IGSF21: variants seen among roughly 807,000 people sequenced by gnomAD.
IGSF21 encodes the protein immunoglobin superfamily member 21.
In IGSF21, 28 loss-of-function variants were observed where a neutral mutation model predicts 46.8. The ratio of observed to expected loss-of-function variants is 0.60; its 90% CI spans 0.44 to 0.82. The LOEUF (loss-of-function observed/expected upper bound fraction) is 0.82. Ranked by LOEUF, IGSF21 falls within the 40% of genes least tolerant of loss-of-function variation. IGSF21 has a pLI of 0.00. For synonymous variants in IGSF21, 284 were observed against 273.6 expected (o/e 1.04, Z -0.38); for missense variants, 624 against 665.5 (o/e 0.94, Z 0.69).
chr1:18,335,052 G>A lies in IGSF21; in HGVS notation c.424+42G>A, dbSNP rs2085752874. ...TGGCCCCTGGTGTCTCAGTGAGGAG[G>A]ACGAGTATGCTTGAGTGTGTGAATG... On this transcript the variant is annotated intron_variant, in intron 4 of 9. Transcript: ENST00000251296. This position sits in a 1 kb window ranked among gnomAD's most constrained non-coding sequence, Gnocchi z 4.8. 2 of 1,468,934 alleles carry A rather than the reference G, an allele frequency of 1.4e-6. No individual in the cohort carries two copies. Among genetic ancestry groups the A allele is most frequent in the Admixed American group, 1.7e-5 (1 of 59,760 alleles). 91.0% of individuals were successfully genotyped at this position (1,468,934 alleles called of 1,614,324 possible).
At chr1:18,361,115 A>C (rs11260988) in intron 4 of IGSF21, among the ~76,000 whole-genome samples, 47,405 of 152,052 alleles carry the variant, frequency 0.31, 7,701 homozygotes, top group East Asian at 0.42. Flanking sequence ...CCTGGCCACA[A>C]ATAGCTGTCC....
chr1:18,373,362 G>A (rs1369348853), intron 6 of IGSF21, among the ~76,000 whole-genome samples: 1 of 152,156 alleles, frequency 6.6e-6, no homozygotes, highest in Admixed American at 6.5e-5. Flanking sequence ...AAGCAGGCAA[G>A]GGGGTGTAGG....
Position 18,334,950 on chromosome 1 carries a change from G to A in IGSF21, c.364G>A (p.Asp122Asn), listed in dbSNP as rs2085751497. The A allele has an allele frequency of 5.0e-6, 8 of 1,614,050 alleles. No homozygotes were observed. Among genetic ancestry groups the A allele is most frequent in the African/African-American group, 1.3e-5 (1 of 74,940 alleles). ...GPYECHVGIYDRATREKVVLA... is the reference protein window; with the variant it reads ...GPYECHVGIYNRATREKVVLA... ...CTATGAGTGCCATGTGGGCATCTAC[G>A]ACCGCGCCACCAGGGAGAAGGTGGT... is the stretch of plus-strand genomic sequence containing the variant. Residue 122 changes from aspartate to asparagine, a missense_variant, in exon 4 of 10, where the codon GAC becomes AAC. Coordinates refer to ENST00000251296, the MANE Select transcript of IGSF21 (RefSeq NM_032880.5). This position sits in a 1 kb window ranked among gnomAD's most constrained non-coding sequence, Gnocchi z 4.3.
chr1:18,353,449 C>T (rs1028884415), intron 4 of IGSF21, among the ~76,000 whole-genome samples: 6 of 152,052 alleles, frequency 3.9e-5, no homozygotes, highest in South Asian at 2.1e-4. Flanking sequence ...CTCTTGGGTG[C>T]GGCCGCAGGT....
chr1:18,360,069 A>C (rs1486275456), intron 4 of IGSF21, among the ~76,000 whole-genome samples: 1 of 152,212 alleles, frequency 6.6e-6, no homozygotes, highest in African/African-American at 2.4e-5. Context: ...GTGAAGACAG[A>C]AAGAATGCAC....
chr1:18,270,690 C>T (rs1015980807), intron 2 of IGSF21, among the ~76,000 whole-genome samples: 8 of 152,184 alleles, frequency 5.3e-5, no homozygotes, highest in Non-Finnish European at 8.8e-5. Flanking sequence ...AGCCGGGCTC[C>T]GTGACAATGG....
intron 1 of IGSF21, among the ~76,000 whole-genome samples, chr1:18,215,123 C>A (rs950160464): frequency 4.6e-5 from 7 of 152,236 alleles, no homozygotes; most frequent in African/African-American, 1.7e-4. Flanking sequence ...CCCCGTGATC[C>A]AGTCACCTCC....
intron 1 of IGSF21, among the ~76,000 whole-genome samples, chr1:18,173,296 AAAC>A (rs1451197161): frequency 1.3e-5 from 2 of 152,228 alleles, no homozygotes; most frequent in Admixed American, 1.3e-4. Flanking sequence ...CAAAAACACA[AAAC>A]AACAACGACA....
At chr1:18,341,383 C>G (rs1015628603) in intron 4 of IGSF21, among the ~76,000 whole-genome samples, 1 of 152,104 alleles carries the variant, frequency 6.6e-6, no homozygotes, top group Non-Finnish European at 1.5e-5. Context: ...TACATTTATA[C>G]GGACTGTGGG....
At chr1:18,256,773 C>G (rs1008486404) in intron 2 of IGSF21, among the ~76,000 whole-genome samples, 1 of 152,188 alleles carries the variant, frequency 6.6e-6, no homozygotes, top group South Asian at 2.1e-4. Flanking sequence ...GGGGAGGAGA[C>G]ATCCCAGCCG....
rs1431600804 is a variant in IGSF21 at position 18,273,334 on chromosome 1, CCTTTCCTTTCCTTTCCTTTCCTTTCCTTT to C, written c.184-18530_184-18502del. Among the ~76,000 whole-genome samples the C allele has an allele frequency of 8.2e-3, 619 of 75,862 alleles. 26 individuals carry two copies. The highest frequency in any genetic ancestry group is 0.028 in the African/African-American group (525 of 18,436). The allele number at this position is 75,862 out of a possible 152,430, so 49.8% of individuals were successfully genotyped here. ...GGGATTACAGGCATGAGCCACCATTCCTTTCCTTTCCTTTCCTTTCCTTTCCTTTCCTTTCCTTTCCTTTCCTTTCCTTT... is the reference window on the plus strand; with the variant it reads ...GGGATTACAGGCATGAGCCACCATTCCCTTTCCTTTCCTTTCCTTTCCTTT... On this transcript the variant is annotated intron_variant, in intron 2 of 9. Coordinates refer to ENST00000251296, the MANE Select transcript of IGSF21 (RefSeq NM_032880.5).
intron 2 of IGSF21, among the ~76,000 whole-genome samples, chr1:18,252,932 A>G (rs2084856563): frequency 6.6e-6 from 1 of 152,194 alleles, no homozygotes; most frequent in Non-Finnish European, 1.5e-5. Context: ...AGTGTAGGTA[A>G]CAAACCTTTA....
intron 1 of IGSF21, among the ~76,000 whole-genome samples, chr1:18,146,814 T>C (rs75578709): frequency 0.014 from 2,191 of 152,228 alleles, 57 homozygotes; most frequent in African/African-American, 0.05. Context: ...TCTTAATTGA[T>C]CCTCATAGCA....
intron 1 of IGSF21, among the ~76,000 whole-genome samples, chr1:18,196,984 G>T (rs917836902): frequency 1.1e-4 from 17 of 152,288 alleles, no homozygotes; most frequent in African/African-American, 3.4e-4. Flanking sequence ...CCGGTACCAA[G>T]TATATATTTT....
chr1:18,358,043 G>T (rs769850552), intron 4 of IGSF21, among the ~76,000 whole-genome samples: 5 of 151,968 alleles, frequency 3.3e-5, no homozygotes, highest in Admixed American at 3.3e-4. Context: ...GAGAGAGAGA[G>T]AGAGTGTGTG....
chr1:18,227,534 A>G (rs1440131384), intron 1 of IGSF21, among the ~76,000 whole-genome samples: 2 of 151,880 alleles, frequency 1.3e-5, no homozygotes, highest in East Asian at 3.9e-4. Context: ...TGGGGCACAG[A>G]AGCCTTCTCT....
At position 18,365,353 on chromosome 1, in the gene IGSF21, A is replaced by G. The variant is rs764696443; in HGVS notation, c.671A>G (p.Lys224Arg). ...CTGCACCGTGACCTGGATGACACCAAGATGCAGAAGTCACTGTCCCTCCTG... is the reference window on the plus strand; with the variant it reads ...CTGCACCGTGACCTGGATGACACCAGGATGCAGAAGTCACTGTCCCTCCTG... Reference protein sequence around the residue: ...SLLHRDLDDTKMQKSLSLLDA... With the variant: ...SLLHRDLDDTRMQKSLSLLDA... The change falls in exon 6 of 10, where the codon AAG becomes AGG. Residue 224 changes from lysine (K) to arginine (R), a missense_variant. Transcript: ENST00000251296. This position sits in a 1 kb window ranked among gnomAD's most constrained non-coding sequence, Gnocchi z 4.8. The G allele has an allele frequency of 3.7e-6, 6 of 1,613,936 alleles. No individual in the cohort carries two copies. The East Asian group carries it at 1.3e-4, about 36-fold the overall frequency.
intron 2 of IGSF21, among the ~76,000 whole-genome samples, chr1:18,261,604 C>T (rs547799512): frequency 2.6e-5 from 4 of 152,256 alleles, no homozygotes; most frequent in Non-Finnish European, 4.4e-5. Flanking sequence ...TGCCTCTGAG[C>T]TATGACTCTC....
rs142132050 is a variant in IGSF21 at position 18,177,055 on chromosome 1, A to G, written c.71-50843A>G. 4.4e-3 allele frequency among the ~76,000 whole-genome samples: 663 copies of G among 152,304 alleles called. 1 individual carries two copies. Among genetic ancestry groups the G allele is most frequent in the African/African-American group, 0.015 (619 of 41,566 alleles). On this transcript the variant is annotated intron_variant, in intron 1 of 9. Coordinates refer to ENST00000251296, the MANE Select transcript of IGSF21 (RefSeq NM_032880.5). ...GTTTAATTCCAGGCTAAAGTTTGCC[A>G]TCCTCCCAGTCTGTGCTTTTAACCA... is the stretch of plus-strand genomic sequence containing the variant.
Sources: allele counts gnomAD v4.1 joint callset (sites outside exome capture counted in the v4.1 genomes callset), GRCh38; gene constraint gnomAD v4.1.1; non-coding constraint Gnocchi (gnomAD v3.1); transcripts MANE v1.5; gene names NCBI Gene and HGNC (gene_info 2026-07-23, HGNC 2026-07-21).